The following RCL1 variants were observed in gnomAD, a reference collection of about 807,000 sequenced individuals.
The protein encoded by RCL1 is RNA 3'-terminal phosphate cyclase-like protein.
Under a neutral mutation model 42.4 loss-of-function variants are expected in RCL1, and 24 were observed. That is an observed-to-expected ratio of 0.57 (90% CI 0.41 to 0.80). The LOEUF (loss-of-function observed/expected upper bound fraction) is 0.80, where lower values mean the gene tolerates loss of function less well. Among genes scored for constraint, RCL1 ranks in the 30% least tolerant of loss-of-function variants. The probability of loss-of-function intolerance (pLI) is 0.00; values close to 1 mark genes in which losing one functional copy is unlikely to be tolerated. For missense variants in RCL1, 578 were observed against 467.9 expected (o/e 1.24, Z -2.17); for synonymous variants, 228 against 177.3 (o/e 1.29, Z -2.27).
chr9:4,823,007 G>T (rs415719), intron 1 of RCL1, among the ~76,000 whole-genome samples: 120,313 of 152,050 alleles, frequency 0.79, 48,803 homozygotes, highest in East Asian at 1. Flanking sequence ...TTAGATAGTT[G>T]AAATCAGTAG....
intron 1 of RCL1, among the ~76,000 whole-genome samples, chr9:4,803,255 C>A (rs954869323): frequency 2.0e-5 from 3 of 152,184 alleles, no homozygotes; most frequent in Non-Finnish European, 2.9e-5. Context: ...AGTTTCAGAA[C>A]TTTGGCTTCC....
In RCL1 at chr9:4,854,692, A is replaced by T. The variant is rs1348311985; in HGVS notation, c.971+5142A>T. On this transcript the variant is annotated intron_variant, in intron 8 of 8. Coordinates refer to ENST00000381750, the MANE Select transcript of RCL1 (RefSeq NM_005772.5). ...ATCCTGGTCAGTTGGGATTCAACGG[A>T]CCCATGACCACAAGCCTCATGGCCT... is the stretch of plus-strand genomic sequence containing the variant. 3.9e-5 allele frequency among the ~76,000 whole-genome samples: 6 copies of T among 152,114 alleles called. No homozygotes were observed. The South Asian group carries it at 1.2e-3, about 32-fold the overall frequency.
rs1475140894 is a variant in RCL1, at chr9:4,860,479, AG to A, written c.*206del. ...TTCTCCAGTGGCATTGCCATTGCCC[AG>A]GAGGGGCCCAGTCACCATGAGAGCT... On this transcript the variant is annotated 3_prime_UTR_variant, in exon 9 of 9. Coordinates refer to ENST00000381750, the MANE Select transcript of RCL1 (RefSeq NM_005772.5). 8.7e-6 allele frequency: 5 copies of A among 576,254 alleles called. No homozygotes were observed. Among genetic ancestry groups the A allele is most frequent in the African/African-American group, 2.0e-5 (1 of 50,960 alleles). The allele number at this position is 576,254 out of a possible 1,614,324, so 35.7% of individuals were successfully genotyped here.
intron 1 of RCL1, among the ~76,000 whole-genome samples, chr9:4,820,291 G>A (rs1816547026): frequency 6.6e-6 from 1 of 152,122 alleles, no homozygotes; most frequent in Admixed American, 6.5e-5. Context: ...GTAAAGTTTG[G>A]GGACTTTGAT....
At chr9:4,854,229 G>T (rs1817855551) in intron 8 of RCL1, among the ~76,000 whole-genome samples, 1 of 152,126 alleles carries the variant, frequency 6.6e-6, no homozygotes, top group South Asian at 2.1e-4. Context: ...AGTGCAGCTA[G>T]CCTAGTTCTC....
intron 5 of RCL1, among the ~76,000 whole-genome samples, chr9:4,838,835 A>G (rs949313358): frequency 4.6e-5 from 7 of 152,256 alleles, no homozygotes; most frequent in African/African-American, 1.7e-4. Context: ...TTCTTGAAAG[A>G]ATAAGAACCT....
At chr9:4,823,421 A>G in intron 1 of RCL1, 127 bp from the exon 2 acceptor site, 1 of 647,008 alleles carries the variant, frequency 1.5e-6, no homozygotes, top group Non-Finnish European at 2.6e-6. Flanking sequence ...AGGAAAGCCC[A>G]GGTGTGATGC....
At chr9:4,793,350 G>A in intron 1 of RCL1, 123 bp downstream of exon 1, 1 of 1,167,052 alleles carries the variant, frequency 8.6e-7, no homozygotes, top group Admixed American at 3.7e-5. Context: ...GTCGGGGAGG[G>A]CAGGTGGCGC....
intron 5 of RCL1, among the ~76,000 whole-genome samples, chr9:4,835,591 C>T (rs1456231860): frequency 6.6e-6 from 1 of 152,122 alleles, no homozygotes; most frequent in Non-Finnish European, 1.5e-5. Context: ...AGGGAGACTC[C>T]CTCCCTTTTA....
chr9:4,840,623 G>A (rs1041707276), intron 5 of RCL1, among the ~76,000 whole-genome samples: 1 of 152,196 alleles, frequency 6.6e-6, no homozygotes, highest in East Asian at 1.9e-4. Flanking sequence ...TTATCCACAA[G>A]TGGAGTAATT....
chr9:4,843,493 C>T (rs760326349), intron 6 of RCL1, among the ~76,000 whole-genome samples: 2 of 151,824 alleles, frequency 1.3e-5, no homozygotes, highest in South Asian at 2.1e-4. Context: ...CTTGGTCAGC[C>T]TAACTTGAAA....
intron 5 of RCL1, among the ~76,000 whole-genome samples, chr9:4,836,383 C>T (rs538119776): frequency 6.6e-6 from 1 of 152,198 alleles, no homozygotes; most frequent in South Asian, 2.1e-4. Context: ...CCAGCCTGGA[C>T]AAAGCAGGTC....
chr9:4,812,466 A>G (rs947962730), intron 1 of RCL1, among the ~76,000 whole-genome samples: 3 of 152,020 alleles, frequency 2.0e-5, no homozygotes, highest in Non-Finnish European at 4.4e-5. Context: ...GTTTCACTAT[A>G]TTGTGCAGGT....
chr9:4,834,842 T>G (rs901216277), intron 5 of RCL1, among the ~76,000 whole-genome samples: 1 of 152,226 alleles, frequency 6.6e-6, no homozygotes, highest in Non-Finnish European at 1.5e-5. Flanking sequence ...TACATCCTTT[T>G]TTGCAGATGG....
chr9:4,834,051 A>G (rs1817038972), intron 4 of RCL1, 90 bp from the exon 5 acceptor site: 2 of 1,413,460 alleles, frequency 1.4e-6, no homozygotes, highest in Middle Eastern at 2.4e-4. Context: ...GTAAGGAAGC[A>G]TCTGCTGGTG....
At chr9:4,796,834 A>C (rs886747680) in intron 1 of RCL1, among the ~76,000 whole-genome samples, 6 of 152,220 alleles carry the variant, frequency 3.9e-5, no homozygotes, top group African/African-American at 1.4e-4. Flanking sequence ...TGCAATAAAC[A>C]TACAAGTACA....
At chr9:4,809,097 T>C (rs1465421628) in intron 1 of RCL1, among the ~76,000 whole-genome samples, 2 of 152,064 alleles carry the variant, frequency 1.3e-5, no homozygotes, top group Non-Finnish European at 2.9e-5. Flanking sequence ...GTATATGAGC[T>C]TCTTAAGGTT....
chr9:4,810,997 A>G (rs896987270), intron 1 of RCL1, among the ~76,000 whole-genome samples: 2 of 152,218 alleles, frequency 1.3e-5, no homozygotes, highest in Admixed American at 6.5e-5. Context: ...TGATAAAATC[A>G]GGGTAGTTAG....
At chr9:4,858,756 A>G (rs1176220813) in intron 8 of RCL1, among the ~76,000 whole-genome samples, 1 of 152,208 alleles carries the variant, frequency 6.6e-6, no homozygotes, top group Non-Finnish European at 1.5e-5. Flanking sequence ...CGAGATTGAG[A>G]ACCATCTGGC....
Sources: gnomAD v4.1 joint callset for allele counts (sites outside exome capture counted in the v4.1 genomes callset) on GRCh38, gnomAD v4.1.1 for gene constraint, MANE v1.5 for transcripts, NCBI Gene and HGNC (gene_info 2026-07-23, HGNC 2026-07-21) for gene names.